PBX1: variants seen among roughly 807,000 people sequenced by gnomAD.
PBX1 encodes PBX homeobox 1, also known as pre-B-cell leukemia transcription factor 1.
Under a neutral mutation model 53.4 loss-of-function variants are expected in PBX1, and 6 were observed. That is an observed-to-expected ratio of 0.11 (90% confidence interval 0.06 to 0.22). PBX1 has a LOEUF of 0.22. PBX1 is among the 10% of genes least tolerant of loss of function. PBX1 has a pLI of 1.00. For synonymous variants in PBX1, 204 were observed against 212.3 expected (o/e 0.96, Z 0.34); for missense variants, 251 against 551.4 (o/e 0.46, Z 5.46).
At chr1:164,885,640 G>A (rs1672760331) in intron 2 of PBX1, among the ~76,000 whole-genome samples, 1 of 152,142 alleles carries the variant, frequency 6.6e-6, no homozygotes, top group African/African-American at 2.4e-5. Flanking sequence ...GGGCTCTTGG[G>A]CAAGTAATTT....
chr1:164,618,621 C>T (rs1220904662), intron 2 of PBX1, among the ~76,000 whole-genome samples: 2 of 152,134 alleles, frequency 1.3e-5, no homozygotes, highest in Non-Finnish European at 2.9e-5. Context: ...AGCAGAGCTG[C>T]CAAAATCAGT....
intron 7 of PBX1, 74 bp from the exon 8 acceptor site, chr1:164,821,463 C>A: frequency 1.8e-6 from 2 of 1,123,026 alleles, no homozygotes; most frequent in Admixed American, 1.7e-5. Context: ...TGGTGGCCTG[C>A]CTGATGATGA....
intron 2 of PBX1, among the ~76,000 whole-genome samples, chr1:164,752,791 C>T (rs1425993577): frequency 2.6e-5 from 4 of 152,170 alleles, no homozygotes; most frequent in Non-Finnish European, 4.4e-5. Flanking sequence ...ATGGAATCTG[C>T]ACGCTTTGGC....
intron 8 of PBX1, among the ~76,000 whole-genome samples, chr1:164,822,504 A>G (rs574279340): frequency 1.1e-4 from 16 of 152,292 alleles, no homozygotes; most frequent in African/African-American, 3.6e-4. Flanking sequence ...GATCGAAGGA[A>G]GAAGAGTTAG....
chr1:164,627,234 A>AT (rs1005449024), intron 2 of PBX1, among the ~76,000 whole-genome samples: 16 of 151,528 alleles, frequency 1.1e-4, no homozygotes, highest in African/African-American at 3.4e-4. Flanking sequence ...CCATTTGCAA[A>AT]TTTTTTTTTA....
At chr1:164,721,190 C>T (rs1664388898) in intron 2 of PBX1, among the ~76,000 whole-genome samples, 1 of 152,206 alleles carries the variant, frequency 6.6e-6, no homozygotes, top group Non-Finnish European at 1.5e-5. Flanking sequence ...CATCATCATG[C>T]AGGGGGCTTT....
chr1:164,645,727 A>G (rs577955465), intron 2 of PBX1, among the ~76,000 whole-genome samples: 50 of 152,310 alleles, frequency 3.3e-4, no homozygotes, highest in Middle Eastern at 3.4e-3. Flanking sequence ...TTAATGTGCA[A>G]ATTTGTCCCC....
intron 2 of PBX1, among the ~76,000 whole-genome samples, chr1:164,761,732 CGCGCCCGGCCCA>C (rs1666827681): frequency 1.3e-5 from 2 of 152,150 alleles, no homozygotes; most frequent in Non-Finnish European, 2.9e-5. Context: ...CGTGAGCCAC[CGCGCCCGGCCCA>C]TTGGGACATT....
At chr1:164,773,019 C>T (rs1667450721) in intron 2 of PBX1, 1 of 152,194 alleles carries the variant, frequency 6.6e-6, no homozygotes, top group African/African-American at 2.4e-5. Flanking sequence ...AACTCATCTC[C>T]AAGGTAATTC....
chr1:164,629,194 G>C (rs1658244237), intron 2 of PBX1, among the ~76,000 whole-genome samples: 1 of 151,966 alleles, frequency 6.6e-6, no homozygotes, highest in Admixed American at 6.6e-5. Flanking sequence ...CCTGTTCCAA[G>C]GAATGGAAAG....
chr1:164,657,574 A>G (rs1660235611), intron 2 of PBX1, among the ~76,000 whole-genome samples: 1 of 152,234 alleles, frequency 6.6e-6, no homozygotes. Context: ...AAATTCATGC[A>G]AGAGGCTAAT....
intron 2 of PBX1, among the ~76,000 whole-genome samples, chr1:164,624,188 T>G (rs940351945): frequency 5.9e-5 from 9 of 152,244 alleles, no homozygotes; most frequent in Non-Finnish European, 1.0e-4. Context: ...TGGTATATCT[T>G]TGTTAGAAAT....
rs72696421 is a variant in PBX1 at position 164,626,620 on chromosome 1, A to G, written c.265+63309A>G. On this transcript the variant is annotated intron_variant, in intron 2 of 8. Coordinates refer to ENST00000420696, the MANE Select transcript of PBX1 (RefSeq NM_002585.4). ...CAACCTAAATCTTTTCTGCTTTACTATTTTGTCTTAAGCCAGAGATAGGCA... is the reference window on the plus strand; with the variant it reads ...CAACCTAAATCTTTTCTGCTTTACTGTTTTGTCTTAAGCCAGAGATAGGCA... 4.2e-3 allele frequency among the ~76,000 whole-genome samples: 644 copies of G among 152,274 alleles called. 6 individuals are homozygous for G. Among genetic ancestry groups the G allele is most frequent in the South Asian group, 0.029 (140 of 4,824 alleles).
At chr1:164,786,913 T>C (rs1668227002) in intron 2 of PBX1, among the ~76,000 whole-genome samples, 1 of 152,194 alleles carries the variant, frequency 6.6e-6, no homozygotes, top group Admixed American at 6.5e-5. Context: ...TCTTCGGTTA[T>C]CTGCTATGTA....
chr1:164,722,539 G>A (rs1473721184), intron 2 of PBX1, among the ~76,000 whole-genome samples: 1 of 152,170 alleles, frequency 6.6e-6, no homozygotes, highest in Non-Finnish European at 1.5e-5. Flanking sequence ...TTAATCCACA[G>A]AAGACTCTGC....
chr1:164,600,449 A>G (rs371512614), intron 2 of PBX1, among the ~76,000 whole-genome samples: 69 of 152,098 alleles, frequency 4.5e-4, no homozygotes, highest in African/African-American at 1.4e-3. Context: ...GGGTTTCACA[A>G]TGTTAGTCAG....
chr1:164,874,166 C>G (rs930729131), intron 2 of PBX1, among the ~76,000 whole-genome samples: 3 of 152,130 alleles, frequency 2.0e-5, no homozygotes, highest in Non-Finnish European at 4.4e-5. Context: ...AGGAGCTATT[C>G]TCTTTTGGGG....
At chr1:164,588,138 G>C (rs540982753) in intron 2 of PBX1, among the ~76,000 whole-genome samples, 1 of 152,136 alleles carries the variant, frequency 6.6e-6, no homozygotes, top group Admixed American at 6.5e-5. Context: ...CCATCGCAGG[G>C]AGCTGAAAAA....
At chr1:164,600,228 GC>G (rs1363159309) in intron 2 of PBX1, among the ~76,000 whole-genome samples, 1 of 146,252 alleles carries the variant, frequency 6.8e-6, no homozygotes, top group Non-Finnish European at 1.5e-5. Flanking sequence ...AATATTAAGA[GC>G]CTAAAGTATG....
Sources: gnomAD v4.1 joint callset for allele counts (sites outside exome capture counted in the v4.1 genomes callset) on GRCh38, gnomAD v4.1.1 for gene constraint, MANE v1.5 for transcripts, NCBI Gene and HGNC (gene_info 2026-07-23, HGNC 2026-07-21) for gene names.